Variants in CDK14 observed in about 807,000 individuals in gnomAD.
The protein encoded by CDK14 is cyclin dependent kinase 14, also known as cyclin-dependent kinase 14.
A neutral mutation model predicts 60.7 loss-of-function variants in CDK14; 34 were observed. The ratio of observed to expected loss-of-function variants is 0.56; its 90% CI spans 0.43 to 0.75. CDK14 has a LOEUF of 0.75. Ranked by LOEUF, CDK14 falls within the 30% of genes least tolerant of loss-of-function variation. The pLI is 0.00. For synonymous variants in CDK14, 197 were observed against 203.7 expected (o/e 0.97, Z 0.28); for missense variants, 482 against 564.1 (o/e 0.85, Z 1.47).
intron 5 of CDK14, among the ~76,000 whole-genome samples, chr7:90,834,273 A>G (rs1288218262): frequency 6.6e-6 from 1 of 152,212 alleles, no homozygotes; most frequent in African/African-American, 2.4e-5. Flanking sequence ...ATTAATCAAC[A>G]GTGGTAGTAG....
intron 5 of CDK14, among the ~76,000 whole-genome samples, chr7:90,817,021 A>G (rs1161886331): frequency 6.6e-6 from 1 of 152,152 alleles, no homozygotes; most frequent in Non-Finnish European, 1.5e-5. Flanking sequence ...AGCTCTCACC[A>G]CAGATTATAT....
Position 90,964,084 on chromosome 7 carries a change from G to T in CDK14, c.947+8267G>T, listed in dbSNP as rs143379682. ...TATGATAATTATCCTTGACTACAAA[G>T]ATCAGTAACAAGCGTCATGGCAGTC... On this transcript the variant is annotated intron_variant, in intron 9 of 14. Coordinates refer to ENST00000380050, the MANE Select transcript of CDK14 (RefSeq NM_001287135.2). Among the ~76,000 whole-genome samples the T allele has an allele frequency of 1.2e-3, 178 of 152,316 alleles. 1 individual carries two copies. The highest frequency in any genetic ancestry group is 3.3e-3 in the South Asian group (16 of 4,828).
chr7:90,726,876 G>A (rs1802655073), intron 3 of CDK14, 64 bp downstream of exon 3: 1 of 1,569,692 alleles, frequency 6.4e-7, no homozygotes, highest in Admixed American at 1.8e-5. Context: ...ATGATAGCAT[G>A]CGGTGCTGGA....
intron 4 of CDK14, among the ~76,000 whole-genome samples, chr7:90,760,799 C>T (rs1804283212): frequency 6.6e-6 from 1 of 152,196 alleles, no homozygotes; most frequent in African/African-American, 2.4e-5. Flanking sequence ...AGAGTAAATG[C>T]AGTTCACAAT....
chr7:90,653,980 C>T (rs529731251), intron 2 of CDK14, among the ~76,000 whole-genome samples: 2 of 152,284 alleles, frequency 1.3e-5, no homozygotes, highest in South Asian at 4.1e-4. Context: ...ATCCATGTCC[C>T]TACAAAGGAC....
chr7:90,630,351 T>C (rs891422289), intron 2 of CDK14, among the ~76,000 whole-genome samples: 5 of 152,188 alleles, frequency 3.3e-5, no homozygotes, highest in African/African-American at 1.2e-4. Context: ...GCCTGTATAG[T>C]ATGTTACTGT....
intron 11 of CDK14, among the ~76,000 whole-genome samples, chr7:91,058,223 A>G (rs994189342): frequency 9.2e-5 from 14 of 152,030 alleles, no homozygotes; most frequent in African/African-American, 3.4e-4. Context: ...TTGTTGGTGT[A>G]TAAGAATGCT....
intron 2 of CDK14, among the ~76,000 whole-genome samples, chr7:90,627,703 C>T (rs769138817): frequency 8.4e-4 from 127 of 151,696 alleles, no homozygotes; most frequent in Non-Finnish European, 1.5e-3. Flanking sequence ...GATCTCAGAA[C>T]GTGAATTCAA....
At chr7:91,052,123 T>C (rs1437096072) in intron 11 of CDK14, among the ~76,000 whole-genome samples, 1 of 152,194 alleles carries the variant, frequency 6.6e-6, no homozygotes, top group Non-Finnish European at 1.5e-5. Context: ...CTGCATGAGC[T>C]GAGAGTGCGA....
At chr7:91,034,187 C>CT (rs1214962631) in intron 10 of CDK14, among the ~76,000 whole-genome samples, 1 of 152,084 alleles carries the variant, frequency 6.6e-6, no homozygotes, top group African/African-American at 2.4e-5. Context: ...AACTGTATAA[C>CT]TAAGTGCTGC....
intron 4 of CDK14, among the ~76,000 whole-genome samples, chr7:90,760,015 T>C (rs1804252300): frequency 6.6e-6 from 1 of 152,220 alleles, no homozygotes; most frequent in South Asian, 2.1e-4. Context: ...TGAAGGAATT[T>C]GCTCACTTTA....
chr7:90,808,531 A>G (rs1347770507), intron 5 of CDK14, among the ~76,000 whole-genome samples: 1 of 152,246 alleles, frequency 6.6e-6, no homozygotes. Context: ...TGTAAAGACC[A>G]TCGAGGCTAG....
chr7:90,760,940 T>G (rs1445054813), intron 4 of CDK14, among the ~76,000 whole-genome samples: 1 of 152,206 alleles, frequency 6.6e-6, no homozygotes, highest in East Asian at 1.9e-4. Flanking sequence ...TTATTTTATT[T>G]TTAAACCCTA....
chr7:90,756,110 C>T (rs1472155512), intron 4 of CDK14, among the ~76,000 whole-genome samples: 2 of 152,214 alleles, frequency 1.3e-5, no homozygotes, highest in African/African-American at 4.8e-5. Context: ...TTTTCCTAAT[C>T]AGTACACCAT....
intron 8 of CDK14, among the ~76,000 whole-genome samples, chr7:90,933,569 A>G (rs1011621040): frequency 1.3e-5 from 2 of 152,228 alleles, no homozygotes; most frequent in African/African-American, 2.4e-5. Flanking sequence ...GACAATTTAT[A>G]TCACTAACTA....
At chr7:90,641,586 C>T (rs1221081930) in intron 2 of CDK14, among the ~76,000 whole-genome samples, 1 of 150,388 alleles carries the variant, frequency 6.6e-6, no homozygotes, top group East Asian at 2.0e-4. Flanking sequence ...TCTATAGAGA[C>T]AGAAAGTAGA....
chr7:91,174,903 A>G (rs368490259), intron 14 of CDK14, among the ~76,000 whole-genome samples: 14,456 of 137,792 alleles, frequency 0.1, 980 homozygotes, highest in Admixed American at 0.23. Context: ...ATCCAGGAGA[A>G]CTTCCCCAAT....
intron 10 of CDK14, among the ~76,000 whole-genome samples, chr7:91,041,216 A>G (rs1797082586): frequency 6.6e-6 from 1 of 152,022 alleles, no homozygotes; most frequent in East Asian, 1.9e-4. Flanking sequence ...AGTCTAAGAA[A>G]TCACAGAAAA....
At chr7:91,121,418 C>T (rs1286670109) in intron 14 of CDK14, among the ~76,000 whole-genome samples, 1 of 152,136 alleles carries the variant, frequency 6.6e-6, no homozygotes, top group Non-Finnish European at 1.5e-5. Flanking sequence ...CATTATATTA[C>T]TTCTGTCTTT....
Sources: gnomAD v4.1 joint callset for allele counts (sites outside exome capture counted in the v4.1 genomes callset) on GRCh38, gnomAD v4.1.1 for gene constraint, MANE v1.5 for transcripts, NCBI Gene and HGNC (gene_info 2026-07-23, HGNC 2026-07-21) for gene names.